The following PDE4D variants were observed in gnomAD, a reference collection of about 807,000 sequenced individuals.
PDE4D encodes 3',5'-cyclic-AMP phosphodiesterase 4D.
Under a neutral mutation model 87.4 loss-of-function variants are expected in PDE4D, and 24 were observed. That is an observed-to-expected ratio of 0.27 (90% CI 0.20 to 0.39). PDE4D has a LOEUF of 0.39. Ranked by LOEUF, PDE4D falls within the 10% of genes least tolerant of loss-of-function variation. PDE4D has a pLI of 1.00. For synonymous variants in PDE4D, 384 were observed against 383.2 expected (o/e 1.00, Z -0.02); for missense variants, 714 against 1,041.0 (o/e 0.69, Z 4.32).
chr5:59,758,162 T>C (rs539872501), intron 1 of PDE4D, among the ~76,000 whole-genome samples: 2 of 152,316 alleles, frequency 1.3e-5, no homozygotes, highest in African/African-American at 4.8e-5. Context: ...GTTTTAATGC[T>C]ATTGGTTTCA....
At chr5:59,030,809 C>A (rs1223834732) in intron 6 of PDE4D, among the ~76,000 whole-genome samples, 3 of 152,166 alleles carry the variant, frequency 2.0e-5, no homozygotes, top group Non-Finnish European at 4.4e-5. Flanking sequence ...TCACCTCATG[C>A]CTGTTAGAAT....
At chr5:59,992,260 C>T (rs933701771) in intron 2 of PDE4D, among the ~76,000 whole-genome samples, 4 of 152,154 alleles carry the variant, frequency 2.6e-5, no homozygotes, top group Non-Finnish European at 5.9e-5. Context: ...TTACAACATG[C>T]TTCTACAGAG....
At chr5:60,283,948 A>C (rs1752182771) in intron 1 of PDE4D, among the ~76,000 whole-genome samples, 1 of 152,168 alleles carries the variant, frequency 6.6e-6, no homozygotes, top group Non-Finnish European at 1.5e-5. Context: ...GCGAGTTCTG[A>C]GAAACCAGCT....
intron 1 of PDE4D, among the ~76,000 whole-genome samples, chr5:59,721,205 T>C (rs979552930): frequency 1.3e-4 from 20 of 152,216 alleles, no homozygotes; most frequent in Admixed American, 6.5e-4. Flanking sequence ...CTCTTCATTT[T>C]ATACATCATT....
chr5:60,380,684 T>C (rs1407316171), intron 1 of PDE4D, among the ~76,000 whole-genome samples: 4 of 152,196 alleles, frequency 2.6e-5, no homozygotes, highest in African/African-American at 7.2e-5. Context: ...CTAAGTTCAC[T>C]GATATGGGAA....
chr5:58,990,741 A>AAGCT, intron 9 of PDE4D, 63 bp downstream of exon 9: 1 of 851,210 alleles, frequency 1.2e-6, no homozygotes, highest in Non-Finnish European at 1.9e-6. Flanking sequence ...ATGTATGCAT[A>AAGCT]AGCTACAGAC....
intron 1 of PDE4D, among the ~76,000 whole-genome samples, chr5:59,545,431 G>T (rs529815056): frequency 1.3e-5 from 2 of 152,110 alleles, no homozygotes; most frequent in African/African-American, 4.8e-5. Context: ...TTCATTCTAG[G>T]TAGTTCACAA....
intron 6 of PDE4D, among the ~76,000 whole-genome samples, chr5:59,032,414 T>C (rs1561351060): frequency 6.6e-6 from 1 of 152,156 alleles, no homozygotes; most frequent in Non-Finnish European, 1.5e-5. Flanking sequence ...ACCCCATCTC[T>C]ACTCAAAATA....
At chr5:60,373,874 G>C (rs78760352) in intron 1 of PDE4D, among the ~76,000 whole-genome samples, 2,740 of 152,138 alleles carry the variant, frequency 0.018, 70 homozygotes, top group African/African-American at 0.063. Flanking sequence ...ACTTTCTCAT[G>C]CTGCGTCACT....
intron 1 of PDE4D, among the ~76,000 whole-genome samples, chr5:59,417,873 C>T (rs1793863593): frequency 6.6e-6 from 1 of 152,202 alleles, no homozygotes; most frequent in African/African-American, 2.4e-5. Context: ...TACTTTATTC[C>T]TAGCATGGAC....
At chr5:59,221,638 A>C (rs1752598290) in intron 1 of PDE4D, among the ~76,000 whole-genome samples, 2 of 152,132 alleles carry the variant, frequency 1.3e-5, no homozygotes, top group Non-Finnish European at 2.9e-5. Flanking sequence ...TCTCAAAAAA[A>C]AAAGTTTTCA....
At chr5:59,378,516 AG>A (rs2086279563) in intron 1 of PDE4D, among the ~76,000 whole-genome samples, 2 of 152,206 alleles carry the variant, frequency 1.3e-5, no homozygotes, top group Admixed American at 1.3e-4. Flanking sequence ...AAGGATTAAA[AG>A]CTCCAAGAAA....
At chr5:59,825,724 C>T (rs1227486565) in intron 1 of PDE4D, among the ~76,000 whole-genome samples, 1 of 152,190 alleles carries the variant, frequency 6.6e-6, no homozygotes, top group African/African-American at 2.4e-5. Flanking sequence ...CTGAGTTGAA[C>T]AACTTGAGCT....
rs923178909 is a variant in PDE4D, at chr5:59,637,766, G to T, written c.455+255402C>A. Among the ~76,000 whole-genome samples, 4 of 152,246 alleles carry T rather than the reference G, an allele frequency of 2.6e-5. No individual in the cohort carries two copies. In the South Asian group the frequency reaches 8.3e-4, roughly 32 times the overall value. The stretch of plus-strand genomic sequence containing the variant: ...GGGCCTGTCGGGGGGTTGGGGGCAA[G>T]GGAAGGGATAACATTCGGAGAAATA... On this transcript the variant is annotated intron_variant, in intron 1 of 14. Coordinates refer to ENST00000340635, the MANE Select transcript of PDE4D (RefSeq NM_001104631.2).
intron 1 of PDE4D, among the ~76,000 whole-genome samples, chr5:59,826,085 G>T (rs1770288340): frequency 6.6e-6 from 1 of 152,090 alleles, no homozygotes; most frequent in Non-Finnish European, 1.5e-5. Flanking sequence ...AGTGACTCAG[G>T]GTGGAAAGAA....
At chr5:59,275,703 T>C (rs1764671901) in intron 1 of PDE4D, 3 of 1,087,192 alleles carry the variant, frequency 2.8e-6, no homozygotes, top group South Asian at 7.9e-5. Flanking sequence ...TGATTCTTCA[T>C]CTGGGTCACA....
chr5:60,125,123 T>C (rs1213323871), intron 2 of PDE4D, among the ~76,000 whole-genome samples: 2 of 152,142 alleles, frequency 1.3e-5, no homozygotes, highest in Non-Finnish European at 2.9e-5. Flanking sequence ...ATTAGATTTG[T>C]AAAACCAACC....
chr5:58,994,870 C>T (rs112590122), intron 6 of PDE4D, among the ~76,000 whole-genome samples: 4,419 of 151,394 alleles, frequency 0.029, 227 homozygotes, highest in African/African-American at 0.1. Context: ...ACAAAGAACT[C>T]GTCATTTACA....
intron 3 of PDE4D, among the ~76,000 whole-genome samples, chr5:59,951,006 C>A (rs973231812): frequency 6.6e-6 from 1 of 151,998 alleles, no homozygotes; most frequent in African/African-American, 2.4e-5. Flanking sequence ...ATATTTGAGT[C>A]CATACTACAT....
Sources: allele counts gnomAD v4.1 joint callset (sites outside exome capture counted in the v4.1 genomes callset), GRCh38; gene constraint gnomAD v4.1.1; transcripts MANE v1.5; gene names NCBI Gene and HGNC (gene_info 2026-07-23, HGNC 2026-07-21).